The following ERC2 variants were observed in gnomAD, a reference collection of about 807,000 sequenced individuals.
ERC2 encodes the protein ELKS/RAB6-interacting/CAST family member 2.
A neutral mutation model predicts 114.8 loss-of-function variants in ERC2; 42 were observed. That is an observed-to-expected ratio of 0.37 (90% CI 0.29 to 0.47). The LOEUF is 0.47. ERC2 is among the 20% of genes least tolerant of loss of function. The probability of loss-of-function intolerance (pLI) is 0.99; values close to 1 mark genes in which losing one functional copy is unlikely to be tolerated. For missense variants in ERC2, 939 were observed against 1,150.7 expected (o/e 0.82, Z 2.66); for synonymous variants, 454 against 425.5 (o/e 1.07, Z -0.82).
chr3:56,065,059 G>A (rs903073395), intron 7 of ERC2, among the ~76,000 whole-genome samples: 3 of 152,128 alleles, frequency 2.0e-5, no homozygotes, highest in Non-Finnish European at 1.5e-5. Flanking sequence ...TTAATGAGGA[G>A]AGAGACATAA....
chr3:55,925,957 T>C lies in ERC2; in HGVS notation c.2403+24468A>G, dbSNP rs568893119. ...CCTTAGATGAACACCTTCTGTCCTG[T>C]AGTATTTCATTAGACACAGCACTTT... On this transcript the variant is annotated intron_variant, in intron 13 of 17. Coordinates refer to ENST00000288221, the MANE Select transcript of ERC2 (RefSeq NM_015576.3). Among the ~76,000 whole-genome samples the C allele has an allele frequency of 1.1e-3, 161 of 152,320 alleles. 2 individuals carry two copies. Among genetic ancestry groups the C allele is most frequent in the African/African-American group, 3.7e-3 (152 of 41,570 alleles).
intron 14 of ERC2, among the ~76,000 whole-genome samples, chr3:55,806,328 C>CA (rs58267124): frequency 0.12 from 13,678 of 111,028 alleles, 801 homozygotes; most frequent in East Asian, 0.28. Flanking sequence ...AACTCCTTCT[C>CA]AAAAAAAAAA....
chr3:55,583,404 T>A (rs946109950), intron 17 of ERC2, among the ~76,000 whole-genome samples: 1 of 75,690 alleles, frequency 1.3e-5, no homozygotes, highest in Non-Finnish European at 3.2e-5. Context: ...CCTTCTTTCC[T>A]TCCTTCCTTC....
At chr3:56,338,387 T>TTAG (rs2057946348) in intron 2 of ERC2, among the ~76,000 whole-genome samples, 2 of 152,218 alleles carry the variant, frequency 1.3e-5, no homozygotes, top group African/African-American at 4.8e-5. Context: ...AGAACTGTGG[T>TTAG]CTATGCAGTT....
intron 6 of ERC2, among the ~76,000 whole-genome samples, chr3:56,106,955 G>A (rs2078696564): frequency 6.6e-6 from 1 of 152,180 alleles, no homozygotes; most frequent in Non-Finnish European, 1.5e-5. Context: ...ATCAATCAGA[G>A]GTGATCAGGT....
intron 3 of ERC2, among the ~76,000 whole-genome samples, chr3:56,201,995 A>T (rs1442696602): frequency 1.3e-5 from 2 of 152,320 alleles, no homozygotes; most frequent in East Asian, 1.9e-4. Context: ...TTGCAAAAAC[A>T]TAACTTCTTC....
At chr3:55,881,341 G>A (rs148876751) in intron 14 of ERC2, among the ~76,000 whole-genome samples, 283 of 152,160 alleles carry the variant, frequency 1.9e-3, no homozygotes, top group African/African-American at 6.3e-3. Context: ...TGGAGAAGAC[G>A]TCTAAAACCC....
chr3:56,038,822 C>G (rs543237351), intron 7 of ERC2, among the ~76,000 whole-genome samples: 1 of 152,148 alleles, frequency 6.6e-6, no homozygotes, highest in Non-Finnish European at 1.5e-5. Flanking sequence ...CCTCAGCAAA[C>G]TAATGCAGGA....
At chr3:55,818,859 T>G (rs889949839) in intron 14 of ERC2, among the ~76,000 whole-genome samples, 1 of 152,262 alleles carries the variant, frequency 6.6e-6, no homozygotes, top group African/African-American at 2.4e-5. Context: ...ACGTTTAATA[T>G]TTTCTAATGG....
chr3:56,095,328 C>T (rs952638119), intron 6 of ERC2, among the ~76,000 whole-genome samples: 2 of 151,694 alleles, frequency 1.3e-5, no homozygotes, highest in African/African-American at 4.8e-5. Context: ...CCTTTCTAAG[C>T]AAGAGAAAAA....
At chr3:56,283,023 C>T (rs952878898) in intron 3 of ERC2, among the ~76,000 whole-genome samples, 3 of 152,194 alleles carry the variant, frequency 2.0e-5, no homozygotes, top group Non-Finnish European at 4.4e-5. Context: ...TCTCAGAAGT[C>T]CCCACGGTCA....
Position 55,583,518 on chromosome 3 carries a change from TCCC to T in ERC2, c.*40-72245_*40-72243del, listed in dbSNP as rs1559693165. Among the ~76,000 whole-genome samples the T allele has an allele frequency of 4.2e-3, 214 of 51,286 alleles. 20 individuals carry two copies. Among genetic ancestry groups the T allele is most frequent in the South Asian group, 0.012 (8 of 654 alleles). 33.6% of individuals were successfully genotyped at this position (51,286 alleles called of 152,430 possible). On this transcript the variant is annotated intron_variant, in intron 17 of 17. Transcript: ENST00000288221. ...CTCCTTCCCTCCCTCCCTCCCTCCC[TCCC>T]TCCCTTCCTTCCTTCCTTCCTTTCT...
At chr3:55,915,754 G>A (rs550041377) in intron 13 of ERC2, among the ~76,000 whole-genome samples, 3 of 152,214 alleles carry the variant, frequency 2.0e-5, no homozygotes, top group South Asian at 4.2e-4. Context: ...GATCATCGAG[G>A]GGAGCTGACT....
chr3:56,279,123 A>G (rs958275627), intron 3 of ERC2, among the ~76,000 whole-genome samples: 3 of 152,192 alleles, frequency 2.0e-5, no homozygotes, highest in African/African-American at 7.2e-5. Context: ...ATTTTCTGTA[A>G]GTCTGTAAGT....
chr3:55,697,234 A>G (rs2062979259), intron 16 of ERC2, among the ~76,000 whole-genome samples: 1 of 152,152 alleles, frequency 6.6e-6, no homozygotes, highest in South Asian at 2.1e-4. Flanking sequence ...CAGCCTATTC[A>G]CCCACTTCCC....
intron 8 of ERC2, 75 bp from the exon 9 acceptor site, chr3:56,010,664 T>C (rs2072849965): frequency 6.8e-7 from 1 of 1,464,098 alleles, no homozygotes; most frequent in Non-Finnish European, 9.2e-7. Flanking sequence ...TAAAAGAAAA[T>C]AAGAGGCAGT....
At chr3:55,646,280 C>T (rs756523013) in intron 17 of ERC2, among the ~76,000 whole-genome samples, 24 of 152,186 alleles carry the variant, frequency 1.6e-4, no homozygotes, top group Non-Finnish European at 5.9e-5. Flanking sequence ...TCTTGTTCGT[C>T]ATGTCTGAGC....
intron 17 of ERC2, among the ~76,000 whole-genome samples, chr3:55,625,613 T>C (rs1462327663): frequency 6.6e-6 from 1 of 151,744 alleles, no homozygotes; most frequent in Non-Finnish European, 1.5e-5. Flanking sequence ...TAGCCGGGCG[T>C]GGTGGCGGGC....
At chr3:55,583,191 C>T (rs1334906798) in intron 17 of ERC2, among the ~76,000 whole-genome samples, 2 of 152,160 alleles carry the variant, frequency 1.3e-5, no homozygotes, top group African/African-American at 2.4e-5. Flanking sequence ...CCAGACTCTT[C>T]AGAGTCAAAG....
Sources: allele counts gnomAD v4.1 joint callset (sites outside exome capture counted in the v4.1 genomes callset), GRCh38; gene constraint gnomAD v4.1.1; transcripts MANE v1.5; gene names NCBI Gene and HGNC (gene_info 2026-07-23, HGNC 2026-07-21).